WDR76: variants seen among roughly 807,000 people sequenced by gnomAD.
WDR76 encodes the protein WD repeat domain 76.
Under a neutral mutation model 70.2 loss-of-function variants are expected in WDR76, and 52 were observed. The ratio of observed to expected loss-of-function variants is 0.74; its 90% CI spans 0.59 to 0.93. The LOEUF is 0.93. Ranked by LOEUF, WDR76 falls within the 40% of genes least tolerant of loss-of-function variation. The probability of loss-of-function intolerance (pLI) is 0.00; values close to 1 mark genes in which losing one functional copy is unlikely to be tolerated. For missense variants in WDR76, 756 were observed against 760.2 expected (o/e 0.99, Z 0.07); for synonymous variants, 292 against 271.1 (o/e 1.08, Z -0.76).
At chr15:43,863,552 TC>T (rs1198901988) in intron 12 of WDR76, among the ~76,000 whole-genome samples, 1 of 145,352 alleles carries the variant, frequency 6.9e-6, no homozygotes, top group African/African-American at 2.5e-5. Context: ...TTAACTACTC[TC>T]TTTTTTAAAA....
intron 2 of WDR76, among the ~76,000 whole-genome samples, chr15:43,830,004 CTTTCT>C (rs978141262): frequency 4.7e-5 from 7 of 150,092 alleles, no homozygotes; most frequent in South Asian, 4.2e-4. Context: ...CTTTTTCTTT[CTTTCT>C]TTTCTTTTTT....
chr15:43,866,449 T>C lies in WDR76; in HGVS notation c.*57T>C, dbSNP rs533378691. 6 of 1,590,542 alleles carry C rather than the reference T, an allele frequency of 3.8e-6. No individual in the cohort carries two copies. In the East Asian group the frequency reaches 1.3e-4, roughly 36 times the overall value. On this transcript the variant is annotated 3_prime_UTR_variant, in exon 13 of 13. Coordinates refer to ENST00000263795, the MANE Select transcript of WDR76 (RefSeq NM_024908.4). ...ATTGACCACTGTCTAAGGAGCCTAG[T>C]AATCGGCGTGCCTTAGTGTGTTTAT...
At chr15:43,836,270 A>G in intron 4 of WDR76, 54 bp downstream of exon 4, 1 of 1,548,942 alleles carries the variant, frequency 6.5e-7, no homozygotes, top group Non-Finnish European at 8.8e-7. Flanking sequence ...CAACTGTTTT[A>G]TAATTTGAAA....
chr15:43,844,904 G>A (rs1242362164), intron 8 of WDR76, among the ~76,000 whole-genome samples: 9 of 106,938 alleles, frequency 8.4e-5, no homozygotes, highest in Admixed American at 7.7e-4. Context: ...CTCCAGCCTG[G>A]GCGACAGAGC....
rs151325590 is a variant in WDR76 at position 43,839,781 on chromosome 15, T to C, written c.732+53T>C. ...TAATGTAATAAAATACTGAAAAATT[T>C]GAAGTGTTGAAACTAGACTAAAAGT... On this transcript the variant is annotated intron_variant, in intron 5 of 12. Transcript: ENST00000263795. The C allele has an allele frequency of 3.8e-5, 57 of 1,519,620 alleles. No homozygotes were observed. The African/African-American group carries it at 7.7e-4, about 20-fold the overall frequency. The allele number at this position is 1,519,620 out of a possible 1,614,324, so 94.1% of individuals were successfully genotyped here.
chr15:43,862,844 A>G (rs1314064706), intron 12 of WDR76, among the ~76,000 whole-genome samples: 3 of 152,142 alleles, frequency 2.0e-5, no homozygotes, highest in Middle Eastern at 3.2e-3. Context: ...AGGTTTCTCC[A>G]CATTGGTTAG....
In WDR76 at chr15:43,867,640, G is replaced by GC. The variant is rs1266415688; in HGVS notation, c.*1252dup. The GC allele has an allele frequency of 6.6e-5, 10 of 151,650 alleles. No individual in the cohort carries two copies. The highest frequency in any genetic ancestry group is 1.2e-4 in the Non-Finnish European group (8 of 67,940). The allele number at this position is 151,650 out of a possible 1,614,324, so 9.4% of individuals were successfully genotyped here. ...AAAGCTACTGCTTAGAATGAAGAAG[G>GC]CCCCAGGCTTACCTGTCCCGATCTT... is the stretch of plus-strand genomic sequence containing the variant. On this transcript the variant is annotated 3_prime_UTR_variant, in exon 13 of 13. Transcript: ENST00000263795.
chr15:43,845,597 T>G (rs1237469964), intron 8 of WDR76, among the ~76,000 whole-genome samples: 1 of 150,352 alleles, frequency 6.7e-6, no homozygotes, highest in Non-Finnish European at 1.5e-5. Flanking sequence ...GTTTATGGTA[T>G]GTTGTTTTAG....
At chr15:43,827,391 C>G (rs1213888438) in intron 1 of WDR76, among the ~76,000 whole-genome samples, 1 of 152,118 alleles carries the variant, frequency 6.6e-6, no homozygotes, top group African/African-American at 2.4e-5. Context: ...GGGTATTTGC[C>G]CCAGTCACAA....
rs138342078 is a variant in WDR76, at chr15:43,853,180, C to T, written c.1191+1935C>T. On this transcript the variant is annotated intron_variant, in intron 9 of 12. Coordinates refer to ENST00000263795, the MANE Select transcript of WDR76 (RefSeq NM_024908.4). ...TTGGGATTACAGGTGTGAGCCACCA[C>T]GCCTGGCCTTACTTATTTTTATTTT... Among the ~76,000 whole-genome samples the T allele has an allele frequency of 2.7e-3, 412 of 152,204 alleles. 6 individuals carry two copies. In the East Asian group the frequency reaches 0.053, roughly 20 times the overall value.
chr15:43,839,569 T>G, intron 4 of WDR76, 36 bp from the exon 5 acceptor site: 3 of 1,578,480 alleles, frequency 1.9e-6, no homozygotes, highest in Non-Finnish European at 2.6e-6. Context: ...TTTATTGTTT[T>G]GTGAGTATAA....
chr15:43,861,417 G>A (rs754397207), intron 12 of WDR76, 31 bp downstream of exon 12: 1 of 1,580,288 alleles, frequency 6.3e-7, no homozygotes, highest in Admixed American at 1.7e-5. Context: ...TAATGTAGAT[G>A]TGGATTACTA....
At chr15:43,863,858 C>G (rs1217701881) in intron 12 of WDR76, 1 of 152,232 alleles carries the variant, frequency 6.6e-6, no homozygotes, top group African/African-American at 2.4e-5. Flanking sequence ...CATGCCCGGC[C>G]TTACAACTTT....
In WDR76 at chr15:43,851,124, A is replaced by G; in HGVS notation, c.1070A>G (p.His357Arg). 1.2e-6 allele frequency: 2 copies of G among 1,614,034 alleles called. No homozygotes were observed. The highest frequency in any genetic ancestry group is 4.5e-5 in the East Asian group (2 of 44,876). The change falls in exon 9 of 13, where the codon CAT becomes CGT. Residue 357 changes from histidine (H) to arginine (R), a missense_variant. Physicochemically the swap from His to Arg is conservative, Grantham distance 29. Transcript: ENST00000263795. ...AAAGAAGATGGAGTTTATGTTTTTCATCCCCATAGTCAGCCAGTTAGCTGT... is the reference window on the plus strand; with the variant it reads ...AAAGAAGATGGAGTTTATGTTTTTCGTCCCCATAGTCAGCCAGTTAGCTGT... ...QPKEDGVYVF[H>R]PHSQPVSCLY... is the part of the protein sequence containing the mutation.
intron 8 of WDR76, among the ~76,000 whole-genome samples, chr15:43,848,703 G>A (rs1335302869): frequency 6.6e-6 from 1 of 152,178 alleles, no homozygotes; most frequent in Non-Finnish European, 1.5e-5. Context: ...CACTTTGGGA[G>A]GCTGAGGCAG....
Position 43,827,955 on chromosome 15 carries a change from A to T in WDR76, c.61-10A>T. The T allele has an allele frequency of 6.3e-7, 1 of 1,588,806 alleles. No homozygotes were observed. The stretch of plus-strand genomic sequence containing the variant: ...TCTAATATTCTGTTTTCTTTTATTG[A>T]TCTGAATAGGTAAATGAATATAAAG... On this transcript the variant is annotated splice_polypyrimidine_tract_variant and intron_variant, in intron 1 of 12. Transcript: ENST00000263795.
At position 43,843,951 on chromosome 15, in the gene WDR76, A is replaced by C; in HGVS notation, c.929A>C (p.Lys310Thr). The change falls in exon 8 of 13, where the codon AAA (lysine) becomes ACA (threonine). Residue 310 changes from lysine (K) to threonine (T), a missense_variant. Lys to Thr is a moderately conservative substitution (Grantham distance 78). Coordinates refer to ENST00000263795, the MANE Select transcript of WDR76 (RefSeq NM_024908.4). ...GTCATTAGTGAAGATACCGTTTACA[A>C]AGTTACCACAGGCCCAATATTCTCT... ...GMVISEDTVY[K>T]VTTGPIFSMA... The C allele has an allele frequency of 6.2e-7, 1 of 1,611,760 alleles. No homozygotes were observed. The highest frequency in any genetic ancestry group is 1.1e-5 in the South Asian group (1 of 90,666).
At chr15:43,833,727 C>T (rs539260258) in intron 2 of WDR76, among the ~76,000 whole-genome samples, 5 of 151,878 alleles carry the variant, frequency 3.3e-5, no homozygotes, top group Admixed American at 6.6e-5. Context: ...ACCTCCATCT[C>T]CCGGGTTCAA....
intron 11 of WDR76, 111 bp downstream of exon 11, chr15:43,858,934 A>G: frequency 7.4e-7 from 1 of 1,343,990 alleles, no homozygotes; most frequent in Non-Finnish European, 1.0e-6. Flanking sequence ...TGCTAGTGTT[A>G]TTGTTTAGTA....
Sources: gnomAD v4.1 joint callset for allele counts (sites outside exome capture counted in the v4.1 genomes callset) on GRCh38, gnomAD v4.1.1 for gene constraint, MANE v1.5 for transcripts, NCBI Gene and HGNC (gene_info 2026-07-23, HGNC 2026-07-21) for gene names.